The following SPMAP2 variants were observed in gnomAD, a reference collection of about 807,000 sequenced individuals.
The protein encoded by SPMAP2 is Theg homolog.
chr19:365,292 G>T, the SPMAP2 span, among the ~76,000 whole-genome samples: 18 of 152,252 alleles, frequency 1.2e-4, 1 homozygote, highest in Non-Finnish European at 2.6e-4. Context: ...ATGCCCTTGT[G>T]CAGGGTAAGG....
the SPMAP2 span, chr19:375,773 G>C: frequency 1.2e-6 from 2 of 1,609,956 alleles, no homozygotes; most frequent in Middle Eastern, 1.7e-4. Flanking sequence ...CCACCTCCTC[G>C]GGGGGAAGCT....
chr19:374,586 C>T, the SPMAP2 span: 29 of 974,302 alleles, frequency 3.0e-5, no homozygotes, highest in East Asian at 7.9e-5. Flanking sequence ...TTTGGCACCA[C>T]GAAGGCCTGG....
At chr19:367,455 C>T in the SPMAP2 span, among the ~76,000 whole-genome samples, 1 of 152,082 alleles carries the variant, frequency 6.6e-6, no homozygotes, top group Non-Finnish European at 1.5e-5. Context: ...GGAGACAAAC[C>T]CTAAATGGTC....
chr19:368,710 C>G, the SPMAP2 span, among the ~76,000 whole-genome samples: 1 of 152,174 alleles, frequency 6.6e-6, no homozygotes, highest in Non-Finnish European at 1.5e-5. The surrounding 1 kb of genome is among the most constrained non-coding windows in gnomAD (Gnocchi z 4.1). Context: ...TGAAATTGCT[C>G]CCCCATAAAA....
the SPMAP2 span, chr19:373,557 A>T: frequency 6.2e-7 from 1 of 1,609,702 alleles, no homozygotes; most frequent in South Asian, 1.1e-5. Flanking sequence ...GGCTCAGGGC[A>T]AGGGAGGCAG....
At chr19:364,438 T>C in the SPMAP2 span, among the ~76,000 whole-genome samples, 1 of 151,396 alleles carries the variant, frequency 6.6e-6, no homozygotes, top group Non-Finnish European at 1.5e-5. Context: ...CCAGCACTTT[T>C]GGAGGCAGAG....
At chr19:373,908 T>C in the SPMAP2 span, 9 of 1,599,334 alleles carry the variant, frequency 5.6e-6, no homozygotes, top group Non-Finnish European at 7.7e-6. Context: ...TCCCCCAGCA[T>C]AGGCACACGG....
chr19:370,834 G>A, the SPMAP2 span, among the ~76,000 whole-genome samples: 20 of 142,814 alleles, frequency 1.4e-4, no homozygotes, highest in Admixed American at 6.3e-4. Flanking sequence ...CGCAGGCTGC[G>A]GGGTTCAGAC....
chr19:373,583 C>T, the SPMAP2 span: 28 of 1,573,272 alleles, frequency 1.8e-5, no homozygotes, highest in Non-Finnish European at 2.2e-5. Flanking sequence ...CCTGGCCCTG[C>T]CCGGAAACAA....
chr19:372,699 C>T, the SPMAP2 span: 28 of 1,613,990 alleles, frequency 1.7e-5, no homozygotes, highest in African/African-American at 9.3e-5. Context: ...GGCGGGACAC[C>T]GCTATGCAAA....
the SPMAP2 span, among the ~76,000 whole-genome samples, chr19:365,295 G>A: frequency 6.6e-6 from 1 of 152,260 alleles, no homozygotes; most frequent in Non-Finnish European, 1.5e-5. Context: ...CCCTTGTGCA[G>A]GGTAAGGGGG....
the SPMAP2 span, among the ~76,000 whole-genome samples, chr19:366,625 G>A: frequency 6.6e-6 from 1 of 152,196 alleles, no homozygotes; most frequent in East Asian, 1.9e-4. Flanking sequence ...CTTACATAAA[G>A]AGCTGCTCCC....
the SPMAP2 span, among the ~76,000 whole-genome samples, chr19:366,778 A>G: frequency 6.6e-6 from 1 of 152,190 alleles, no homozygotes; most frequent in Non-Finnish European, 1.5e-5. Flanking sequence ...CTTGTTTTAA[A>G]AGACAGGAAT....
the SPMAP2 span, chr19:373,679 C>T: frequency 2.8e-6 from 2 of 720,012 alleles, no homozygotes; most frequent in Non-Finnish European, 4.8e-6. Flanking sequence ...AGTGGGGGGG[C>T]CGGCGGGACG....
chr19:371,299 G>C, the SPMAP2 span: 8 of 1,493,006 alleles, frequency 5.4e-6, no homozygotes, highest in African/African-American at 1.1e-4. Context: ...GGAGGACCGA[G>C]GAATGGGCCA....
chr19:366,461 T>C, the SPMAP2 span, among the ~76,000 whole-genome samples: 1 of 152,184 alleles, frequency 6.6e-6, no homozygotes. Context: ...CCTCATCTGT[T>C]TCCATTCATT....
the SPMAP2 span, among the ~76,000 whole-genome samples, chr19:367,981 A>G: frequency 4.6e-5 from 7 of 152,196 alleles, no homozygotes; most frequent in African/African-American, 1.7e-4. Flanking sequence ...GGGACAGGAT[A>G]TGAAAACGAT....
the SPMAP2 span, among the ~76,000 whole-genome samples, chr19:367,933 G>A: frequency 6.6e-6 from 1 of 152,110 alleles, no homozygotes; most frequent in African/African-American, 2.4e-5. Flanking sequence ...CAAAACAGAA[G>A]TCATTTATGG....
chr19:362,491 G>T, the SPMAP2 span: 1 of 1,363,740 alleles, frequency 7.3e-7, no homozygotes. Flanking sequence ...ATTCAGGCTG[G>T]GCATGGGAGC....
Sources: gnomAD v4.1 joint callset for allele counts (sites outside exome capture counted in the v4.1 genomes callset) on GRCh38, gnomAD v4.1.1 for gene constraint, Gnocchi (gnomAD v3.1) non-coding constraint, MANE v1.5 for transcripts, NCBI Gene and HGNC (gene_info 2026-07-23, HGNC 2026-07-21) for gene names.